Variants in TBC1D1 observed in about 807,000 individuals in gnomAD.
TBC1D1 encodes TBC1 (tre-2/USP6, BUB2, cdc16) domain family, member 1.
TBC1D1 carries 89 observed loss-of-function variants against 125.6 expected under a neutral mutation model. That is an observed-to-expected ratio of 0.71 (90% CI 0.60 to 0.85). The LOEUF (loss-of-function observed/expected upper bound fraction) is 0.85, where lower values mean the gene tolerates loss of function less well. Among genes scored for constraint, TBC1D1 ranks in the 40% least tolerant of loss-of-function variants. The pLI is 0.00. For missense variants in TBC1D1, 1,377 were observed against 1,469.2 expected, an observed-to-expected ratio of 0.94 and a Z score of 1.03; for synonymous variants, 565 against 564.1, an observed-to-expected ratio of 1.00 and a Z score of -0.02.
chr4:37,914,842 G>A (rs2152260879), intron 2 of TBC1D1, among the ~76,000 whole-genome samples: 1 of 152,314 alleles, frequency 6.6e-6, no homozygotes, highest in South Asian at 2.1e-4. Context: ...TGGAAGCATG[G>A]CTGCTTCCTT....
chr4:37,911,420 C>G (rs1718612897), intron 2 of TBC1D1, among the ~76,000 whole-genome samples: 1 of 152,094 alleles, frequency 6.6e-6, no homozygotes, highest in Non-Finnish European at 1.5e-5. Flanking sequence ...TAGCCTGGCA[C>G]TGGGAAAACT....
intron 11 of TBC1D1, 142 bp downstream of exon 12, chr4:38,052,202 C>CGT (rs757133766): frequency 1.3e-5 from 8 of 628,450 alleles, no homozygotes; most frequent in African/African-American, 5.3e-5. Context: ...TGTGCGCGCG[C>CGT]GTGTGTGTCT....
At chr4:37,891,884 A>T (rs1713414976) in intron 1 of TBC1D1, among the ~76,000 whole-genome samples, 1 of 151,754 alleles carries the variant, frequency 6.6e-6, no homozygotes, top group South Asian at 2.1e-4. Context: ...TGTGATTATG[A>T]GACCCCCCTC....
chr4:37,903,806 T>C (rs1220110221), intron 2 of TBC1D1, among the ~76,000 whole-genome samples: 1 of 152,142 alleles, frequency 6.6e-6, no homozygotes, highest in Non-Finnish European at 1.5e-5. Flanking sequence ...TAGGACCAGG[T>C]GATCTATGTA....
At chr4:37,989,530 C>T (rs1237757229) in intron 2 of TBC1D1, among the ~76,000 whole-genome samples, 2 of 152,238 alleles carry the variant, frequency 1.3e-5, no homozygotes, top group Non-Finnish European at 2.9e-5. Flanking sequence ...GTGGTCCTCA[C>T]ATCTGGCTCA....
intron 2 of TBC1D1, among the ~76,000 whole-genome samples, chr4:37,921,008 G>T (rs1175565494): frequency 6.6e-6 from 1 of 151,442 alleles, no homozygotes; most frequent in African/African-American, 2.4e-5. Context: ...TACTCAGGAG[G>T]CTGAGGCGGG....
Position 38,033,381 on chromosome 4 carries a change from T to A in TBC1D1, c.1303-2207T>A, listed in dbSNP as rs1475963565. Among the ~76,000 whole-genome samples, 3 of 151,836 alleles carry A rather than the reference T, an allele frequency of 2.0e-5. No homozygotes were observed. The East Asian group carries it at 5.8e-4, about 29-fold the overall frequency. ...CTGTTTCCCTGGATCATTTTTTTTT[T>A]AATAGACTTAATTTTTTTTAGAGCA... is the stretch of plus-strand genomic sequence containing the variant. On this transcript the variant is annotated intron_variant, in intron 7 of 19. Coordinates refer to ENST00000261439, the MANE Select transcript of TBC1D1 (RefSeq NM_015173.4).
intron 12 of TBC1D1, among the ~76,000 whole-genome samples, chr4:38,065,498 G>A (rs1380916625): frequency 6.6e-6 from 1 of 152,132 alleles, no homozygotes; most frequent in Non-Finnish European, 1.5e-5. Flanking sequence ...CTATGGCAGG[G>A]GATGAAACAG....
chr4:37,959,090 C>A (rs754305400), intron 2 of TBC1D1, among the ~76,000 whole-genome samples: 3 of 152,190 alleles, frequency 2.0e-5, no homozygotes, highest in Non-Finnish European at 4.4e-5. Flanking sequence ...TCTAATGATA[C>A]CTTTGAATGG....
At chr4:37,963,652 G>A (rs565149475) in intron 2 of TBC1D1, among the ~76,000 whole-genome samples, 15 of 152,246 alleles carry the variant, frequency 9.9e-5, no homozygotes, top group South Asian at 2.1e-4. Context: ...GTGAGATTCC[G>A]TGTCAAAAAA....
At chr4:37,899,910 G>C (rs1419800999) in intron 1 of TBC1D1, among the ~76,000 whole-genome samples, 3 of 151,264 alleles carry the variant, frequency 2.0e-5, no homozygotes, top group African/African-American at 7.3e-5. Flanking sequence ...CACGAGGTCA[G>C]GAGATCGAGA....
chr4:38,043,728 G>C (rs1385577703), intron 8 of TBC1D1, among the ~76,000 whole-genome samples: 1 of 152,124 alleles, frequency 6.6e-6, no homozygotes, highest in Non-Finnish European at 1.5e-5. Context: ...TTGCAGAGAA[G>C]AATGAAAGGA....
At chr4:38,004,417 G>A (rs751486289) in intron 2 of TBC1D1, among the ~76,000 whole-genome samples, 21 of 152,170 alleles carry the variant, frequency 1.4e-4, no homozygotes, top group Non-Finnish European at 7.3e-5. Flanking sequence ...TTTATGCAAA[G>A]GTTGGGATTT....
At chr4:38,126,901 T>C (rs1042964392) in intron 18 of TBC1D1, among the ~76,000 whole-genome samples, 2 of 152,196 alleles carry the variant, frequency 1.3e-5, no homozygotes, top group Admixed American at 6.5e-5. Flanking sequence ...GGTCATTTAA[T>C]TTAGAGTTTT....
chr4:38,044,703 A>G (rs1255555012), intron 9 of TBC1D1, among the ~76,000 whole-genome samples: 1 of 152,164 alleles, frequency 6.6e-6, no homozygotes, highest in Non-Finnish European at 1.5e-5. Context: ...ACTCTTTTGT[A>G]TTATATCCAA....
At chr4:37,899,993 C>T (rs553940552) in intron 1 of TBC1D1, among the ~76,000 whole-genome samples, 3 of 152,070 alleles carry the variant, frequency 2.0e-5, no homozygotes, top group Admixed American at 6.5e-5. Context: ...CGGTGGCAGG[C>T]GCCTGTAGTC....
rs759069258 is a variant in TBC1D1, at chr4:38,053,111, C to T, written c.1911-1088C>T. 20 of 1,485,706 alleles carry T rather than the reference C, an allele frequency of 1.3e-5. No individual in the cohort carries two copies. In the South Asian group the frequency reaches 2.5e-4, roughly 19 times the overall value. 92.0% of individuals were successfully genotyped at this position (1,485,706 alleles called of 1,614,324 possible). A position where few individuals can be genotyped will look rare whatever the true frequency, so the allele number is the denominator to read the frequency against. ...TTTTTCAACCAAACTCTTAGCATCT[C>T]CTACCGTAATGCCCTGCGGAAAAAA... On this transcript the variant is annotated intron_variant, in intron 11 of 19. Transcript: ENST00000261439.
chr4:37,923,289 C>CT (rs1174690550), intron 2 of TBC1D1, among the ~76,000 whole-genome samples: 21 of 152,094 alleles, frequency 1.4e-4, no homozygotes, highest in Admixed American at 1.2e-3. Flanking sequence ...TGAACTCATC[C>CT]TTTTTTATGG....
intron 1 of TBC1D1, among the ~76,000 whole-genome samples, chr4:37,899,315 A>G (rs949460024): frequency 2.0e-5 from 3 of 152,138 alleles, no homozygotes; most frequent in Non-Finnish European, 4.4e-5. Flanking sequence ...GTTAGCTTTA[A>G]AATAACTAAA....
Sources: gnomAD v4.1 joint callset for allele counts (sites outside exome capture counted in the v4.1 genomes callset) on GRCh38, gnomAD v4.1.1 for gene constraint, MANE v1.5 for transcripts, NCBI Gene and HGNC (gene_info 2026-07-23, HGNC 2026-07-21) for gene names.